Variants in IMMP2L observed in about 807,000 individuals in gnomAD.
The protein encoded by IMMP2L is inner mitochondrial membrane peptidase subunit 2.
Under a neutral mutation model 19.3 loss-of-function variants are expected in IMMP2L, and 18 were observed. The observed-to-expected ratio is 0.93, with a 90% confidence interval of 0.64 to 1.38. The LOEUF is 1.38. Ranked by LOEUF, IMMP2L falls within the 40% of genes most tolerant of loss-of-function variation. The probability of loss-of-function intolerance (pLI) is 0.00; values close to 1 mark genes in which losing one functional copy is unlikely to be tolerated. For missense variants in IMMP2L, 233 were observed against 218.2 expected, an observed-to-expected ratio of 1.07 and a Z score of -0.43; for synonymous variants, 76 against 73.0, an observed-to-expected ratio of 1.04 and a Z score of -0.21.
At position 110,730,211 on chromosome 7, in the gene IMMP2L, A is replaced by C. The variant is rs565789081; in HGVS notation, c.409-66490T>G. Among the ~76,000 whole-genome samples, 111 of 152,238 alleles carry C rather than the reference A, an allele frequency of 7.3e-4. 1 individual carries two copies. Among genetic ancestry groups the C allele is most frequent in the East Asian group, 7.7e-4 (4 of 5,166 alleles). ...GCCAAAGGAAATTAACATTTGAGTCAGTGGACTGGGAGAAGAAGACCCACC... is the reference window on the plus strand; with the variant it reads ...GCCAAAGGAAATTAACATTTGAGTCCGTGGACTGGGAGAAGAAGACCCACC... On this transcript the variant is annotated intron_variant, in intron 5 of 5. Transcript: ENST00000405709.
chr7:111,069,962 T>G (rs537414405), intron 3 of IMMP2L, among the ~76,000 whole-genome samples: 6 of 152,272 alleles, frequency 3.9e-5, no homozygotes, highest in Non-Finnish European at 8.8e-5. Flanking sequence ...TCCCTAAAGT[T>G]TCACATCCAG....
rs773846566 is a variant in IMMP2L at position 110,757,144 on chromosome 7, G to A, written c.409-93423C>T. On this transcript the variant is annotated intron_variant, in intron 5 of 5. Transcript: ENST00000405709. This position sits in a 1 kb window ranked among gnomAD's most constrained non-coding sequence, Gnocchi z 4.2. ...GCATGTTAGTTAGATTGAAATACGC[G>A]TAATGGAGAAAAATAAAGTCAGAAA... Among the ~76,000 whole-genome samples the A allele has an allele frequency of 6.6e-5, 10 of 152,022 alleles. No homozygotes were observed. In the East Asian group the frequency reaches 7.8e-4, roughly 12 times the overall value.
intron 3 of IMMP2L, among the ~76,000 whole-genome samples, chr7:111,473,026 T>C (rs1841403647): frequency 6.6e-6 from 1 of 152,200 alleles, no homozygotes; most frequent in Non-Finnish European, 1.5e-5. Flanking sequence ...ATGCTTAATT[T>C]TGTACGTATA....
intron 3 of IMMP2L, among the ~76,000 whole-genome samples, chr7:111,135,530 TA>T (rs1802251335): frequency 6.6e-6 from 1 of 152,176 alleles, no homozygotes; most frequent in South Asian, 2.1e-4. Flanking sequence ...CTGTGATCTT[TA>T]AATACTCTGG....
chr7:111,455,583 A>G (rs1438967354), intron 3 of IMMP2L, among the ~76,000 whole-genome samples: 1 of 148,984 alleles, frequency 6.7e-6, no homozygotes, highest in Non-Finnish European at 1.5e-5. Flanking sequence ...ATTATATGAT[A>G]TAAGTTTACT....
Position 110,853,604 on chromosome 7 carries a change from G to C in IMMP2L, c.408+32989C>G, listed in dbSNP as rs577980120. Among the ~76,000 whole-genome samples the C allele has an allele frequency of 2.3e-4, 35 of 152,042 alleles. No individual in the cohort carries two copies. The South Asian group carries it at 7.1e-3, about 31-fold the overall frequency. ...CTTTAGAGATCTTTTAAAGAAAAAA[G>C]TGTTTTCCTATACATGAAGTCAGAT... is the stretch of plus-strand genomic sequence containing the variant. On this transcript the variant is annotated intron_variant, in intron 5 of 5. Transcript: ENST00000405709.
chr7:111,250,772 T>A (rs1284650250), intron 3 of IMMP2L, among the ~76,000 whole-genome samples: 1 of 152,114 alleles, frequency 6.6e-6, no homozygotes, highest in East Asian at 1.9e-4. Flanking sequence ...ATTAAAGACT[T>A]AAATGTAAAA....
intron 3 of IMMP2L, among the ~76,000 whole-genome samples, chr7:111,141,124 C>A (rs1802834274): frequency 6.6e-6 from 1 of 152,142 alleles, no homozygotes; most frequent in Non-Finnish European, 1.5e-5. Context: ...TCTGTAGGCT[C>A]TGGGGTGACT....
At chr7:110,735,391 A>G (rs1198742288) in intron 5 of IMMP2L, among the ~76,000 whole-genome samples, 9 of 151,726 alleles carry the variant, frequency 5.9e-5, no homozygotes, top group Admixed American at 5.3e-4. Context: ...TCTTAACCTC[A>G]TTCTTTGTGT....
chr7:110,940,088 G>A (rs1266484124), intron 4 of IMMP2L, among the ~76,000 whole-genome samples: 1 of 152,048 alleles, frequency 6.6e-6, no homozygotes, highest in Non-Finnish European at 1.5e-5. Flanking sequence ...GGAGGCCGAG[G>A]TGGGAGGATC....
intron 4 of IMMP2L, among the ~76,000 whole-genome samples, chr7:110,947,498 CA>C (rs1041192767): frequency 6.6e-6 from 1 of 152,176 alleles, no homozygotes; most frequent in African/African-American, 2.4e-5. Flanking sequence ...CATTAAAGGT[CA>C]CCTTACTTTC....
At chr7:111,467,339 T>C (rs35251599) in intron 3 of IMMP2L, among the ~76,000 whole-genome samples, 4,160 of 152,278 alleles carry the variant, frequency 0.027, 101 homozygotes, top group Non-Finnish European at 0.039. Context: ...TAAAAACTTT[T>C]AGTTCTAAAA....
At chr7:110,704,356 T>C (rs1468665327) in intron 5 of IMMP2L, among the ~76,000 whole-genome samples, 1 of 152,216 alleles carries the variant, frequency 6.6e-6, no homozygotes, top group Non-Finnish European at 1.5e-5. Context: ...TCCTAACATT[T>C]CCAAATTTCT....
chr7:110,859,958 G>A (rs1301466302), intron 5 of IMMP2L, among the ~76,000 whole-genome samples: 1 of 151,890 alleles, frequency 6.6e-6, no homozygotes, highest in Non-Finnish European at 1.5e-5. Context: ...ATCTACTCTG[G>A]ACTTAAACTG....
chr7:111,386,125 A>G (rs913675197), intron 3 of IMMP2L, among the ~76,000 whole-genome samples: 2 of 151,480 alleles, frequency 1.3e-5, no homozygotes, highest in African/African-American at 4.9e-5. Context: ...CAAACCTCCC[A>G]CCACAGCCTC....
At chr7:111,214,005 T>C (rs1307711007) in intron 3 of IMMP2L, among the ~76,000 whole-genome samples, 1 of 152,196 alleles carries the variant, frequency 6.6e-6, no homozygotes, top group African/African-American at 2.4e-5. Flanking sequence ...AAATATATGA[T>C]GGTTAACTTT....
At chr7:111,179,886 A>G (rs974563177) in intron 3 of IMMP2L, among the ~76,000 whole-genome samples, 2 of 152,064 alleles carry the variant, frequency 1.3e-5, no homozygotes, top group Non-Finnish European at 2.9e-5. Context: ...AAAACAGCTT[A>G]TTTCCTGAAG....
chr7:110,910,073 G>A (rs1264156735), intron 4 of IMMP2L, among the ~76,000 whole-genome samples: 1 of 152,102 alleles, frequency 6.6e-6, no homozygotes. Context: ...AGGGAGGGAG[G>A]CTAGACATGA....
At chr7:111,215,511 C>G (rs1266452657) in intron 3 of IMMP2L, among the ~76,000 whole-genome samples, 1 of 152,094 alleles carries the variant, frequency 6.6e-6, no homozygotes, top group Non-Finnish European at 1.5e-5. Context: ...CTACACATAA[C>G]AGGCAAAACA....
Sources: gnomAD v4.1 joint callset for allele counts (sites outside exome capture counted in the v4.1 genomes callset) on GRCh38, gnomAD v4.1.1 for gene constraint, Gnocchi (gnomAD v3.1) non-coding constraint, MANE v1.5 for transcripts, NCBI Gene and HGNC (gene_info 2026-07-23, HGNC 2026-07-21) for gene names.